The following DIAPH1 variants were observed in gnomAD, a reference collection of about 807,000 sequenced individuals.
DIAPH1 encodes diaphanous related formin 1, also known as protein diaphanous homolog 1.
Under a neutral mutation model 140.7 loss-of-function variants are expected in DIAPH1, and 46 were observed. The observed-to-expected ratio is 0.33, with a 90% CI of 0.26 to 0.42. DIAPH1 has a LOEUF of 0.42. DIAPH1 is among the 10% of genes least tolerant of loss of function. The pLI is 1.00. For synonymous variants in DIAPH1, 565 were observed against 551.6 expected (o/e 1.02, Z -0.34); for missense variants, 1,310 against 1,558.7 (o/e 0.84, Z 2.69).
At chr5:141,524,304 A>G in intron 26 of DIAPH1, 75 bp from the exon 27 acceptor site, 1 of 1,346,964 alleles carries the variant, frequency 7.4e-7, no homozygotes, top group Non-Finnish European at 1.1e-6. Flanking sequence ...CCCACACAAA[A>G]TGAATGGCTA....
chr5:141,578,138 C>T, intron 11 of DIAPH1, 87 bp downstream of exon 11: 1 of 992,018 alleles, frequency 1.0e-6, no homozygotes, highest in Non-Finnish European at 1.6e-6. Context: ...TCTGAGTCAT[C>T]ATCTCCCAAA....
intron 18 of DIAPH1, among the ~76,000 whole-genome samples, chr5:141,547,434 C>T (rs2099890976): frequency 6.6e-6 from 1 of 151,606 alleles, no homozygotes; most frequent in African/African-American, 2.4e-5. Flanking sequence ...CACTGCACTC[C>T]AGCCTGGGCG....
At chr5:141,551,167 G>C (rs1231798279) in intron 18 of DIAPH1, among the ~76,000 whole-genome samples, 2 of 152,162 alleles carry the variant, frequency 1.3e-5, no homozygotes, top group Admixed American at 1.3e-4. Flanking sequence ...AAAACACACT[G>C]GGCCGGGCTC....
intron 27 of DIAPH1, among the ~76,000 whole-genome samples, chr5:141,522,597 A>C (rs13166174): frequency 0.091 from 13,699 of 150,616 alleles, 847 homozygotes; most frequent in Non-Finnish European, 0.13. Context: ...AAAAAAAAAA[A>C]ACAATAAGAT....
At chr5:141,576,974 TG>T (rs2099896057) in intron 12 of DIAPH1, 103 bp from the exon 13 acceptor site, 3 of 767,600 alleles carry the variant, frequency 3.9e-6, no homozygotes, top group African/African-American at 1.7e-5. Flanking sequence ...CTGAGAGACC[TG>T]GAAAAACTTT....
At chr5:141,563,441 T>G (rs919025343) in intron 18 of DIAPH1, 1 of 152,186 alleles carries the variant, frequency 6.6e-6, no homozygotes, top group Non-Finnish European at 1.5e-5. Flanking sequence ...ATTCACACCA[T>G]TAACATGTAA....
intron 20 of DIAPH1, 106 bp from the exon 21 acceptor site, chr5:141,529,379 C>T (rs1258019030): frequency 5.0e-5 from 50 of 1,007,378 alleles, no homozygotes; most frequent in Non-Finnish European, 7.8e-5. Flanking sequence ...AAGGACCATA[C>T]AGAAAGAAAC....
intron 18 of DIAPH1, among the ~76,000 whole-genome samples, chr5:141,546,020 A>C (rs768149469): frequency 7.9e-5 from 12 of 152,246 alleles, no homozygotes; most frequent in Non-Finnish European, 1.8e-4. Flanking sequence ...AAAAACAGAA[A>C]TATAATCTTG....
chr5:141,551,054 A>T (rs1334704039), intron 18 of DIAPH1, among the ~76,000 whole-genome samples: 1 of 152,220 alleles, frequency 6.6e-6, no homozygotes, highest in Admixed American at 6.5e-5. Flanking sequence ...TATTGTGACA[A>T]TTGGTAAAAT....
In DIAPH1 at chr5:141,580,734, A is replaced by G. The variant is rs2099896631; in HGVS notation, c.824+10T>C. The G allele has an allele frequency of 1.2e-6, 2 of 1,613,422 alleles. No individual in the cohort carries two copies. The highest frequency in any genetic ancestry group is 1.7e-6 in the Non-Finnish European group (2 of 1,179,942). On this transcript the variant is annotated intron_variant, in intron 8 of 27. Coordinates refer to ENST00000389054, the MANE Select transcript of DIAPH1 (RefSeq NM_005219.5). ...GAAAATGGAGAAGAAAAATTATTCCAGTCACATACATGTCCTCTGGCTGCG... is the reference window on the plus strand; with the variant it reads ...GAAAATGGAGAAGAAAAATTATTCCGGTCACATACATGTCCTCTGGCTGCG...
At position 141,605,014 on chromosome 5, in the gene DIAPH1, C is replaced by A. The variant is rs557312538; in HGVS notation, c.117+13784G>T. ...TGAACTATGTTCTAACACAAACACA[C>A]ACAGAATTTCATGCCAAAGTACTTA... On this transcript the variant is annotated intron_variant, in intron 1 of 27. Transcript: ENST00000389054. Among the ~76,000 whole-genome samples the A allele has an allele frequency of 2.4e-4, 37 of 152,240 alleles. 1 individual carries two copies. In the South Asian group the frequency reaches 6.2e-3, roughly 26 times the overall value.
At chr5:141,602,591 C>G (rs2099900323) in intron 1 of DIAPH1, among the ~76,000 whole-genome samples, 1 of 152,204 alleles carries the variant, frequency 6.6e-6, no homozygotes, top group African/African-American at 2.4e-5. Flanking sequence ...ACCACAGTTT[C>G]AGTCTTCCTA....
chr5:141,582,464 C>T, intron 6 of DIAPH1, 89 bp from the exon 7 acceptor site: 2 of 955,042 alleles, frequency 2.1e-6, no homozygotes, highest in South Asian at 1.3e-5. Flanking sequence ...TTAGGAACAA[C>T]AGCCCCATCT....
At position 141,582,309 on chromosome 5, in the gene DIAPH1, C is replaced by T. The variant is rs751063859; in HGVS notation, c.684+3G>A. 6.2e-7 allele frequency: 1 copy of T among 1,613,024 alleles called. No homozygotes were observed. The highest frequency in any genetic ancestry group is 8.5e-7 in the Non-Finnish European group (1 of 1,179,186). Reference sequence around the variant, plus strand: ...TTTGGAATGAGAATGGGAAAAATCTCACCTTGTTGTTCATAAAAGCTTTCA... The same window carrying T: ...TTTGGAATGAGAATGGGAAAAATCTTACCTTGTTGTTCATAAAAGCTTTCA... On this transcript the variant is annotated splice_donor_region_variant and intron_variant, in intron 7 of 27. Transcript: ENST00000389054.
intron 18 of DIAPH1, among the ~76,000 whole-genome samples, chr5:141,550,177 G>A (rs1484776892): frequency 6.6e-6 from 1 of 152,060 alleles, no homozygotes; most frequent in African/African-American, 2.4e-5. Flanking sequence ...TCAGGAAAAT[G>A]CAGGATTTTT....
chr5:141,592,954 G>T (rs1211332018), intron 1 of DIAPH1, among the ~76,000 whole-genome samples: 1 of 152,056 alleles, frequency 6.6e-6, no homozygotes, highest in Non-Finnish European at 1.5e-5. Context: ...CTACAGAAAA[G>T]GTGTTTTTTA....
intron 18 of DIAPH1, among the ~76,000 whole-genome samples, chr5:141,538,650 C>T (rs1199201052): frequency 6.6e-6 from 1 of 151,818 alleles, no homozygotes; most frequent in Non-Finnish European, 1.5e-5. Context: ...CCAGGCTGGT[C>T]TCGAACTCCT....
At chr5:141,583,385 C>T in intron 5 of DIAPH1, 93 bp from the exon 6 acceptor site, 1 of 1,607,078 alleles carries the variant, frequency 6.2e-7, no homozygotes, top group Non-Finnish European at 8.5e-7. Context: ...ACTCCCAATT[C>T]AGACTATTCT....
At chr5:141,523,322 T>C (rs2154594903) in intron 27 of DIAPH1, among the ~76,000 whole-genome samples, 1 of 152,328 alleles carries the variant, frequency 6.6e-6, no homozygotes, top group East Asian at 1.9e-4. Context: ...TCAAAAGACC[T>C]TCACTAGACA....
Sources: gnomAD v4.1 joint callset for allele counts (sites outside exome capture counted in the v4.1 genomes callset) on GRCh38, gnomAD v4.1.1 for gene constraint, MANE v1.5 for transcripts, NCBI Gene and HGNC (gene_info 2026-07-23, HGNC 2026-07-21) for gene names.